The following AGAP1 variants were observed in gnomAD, a reference collection of about 807,000 sequenced individuals.
AGAP1 encodes the protein ArfGAP with GTPase domain, ankyrin repeat and PH domain 1, also known as arf-GAP with GTPase, ANK repeat and PH domain-containing protein 1.
AGAP1 carries 29 observed loss-of-function variants against 105.3 expected under a neutral mutation model. The observed-to-expected ratio is 0.28, with a 90% CI of 0.21 to 0.38. AGAP1 has a LOEUF of 0.38. Ranked by LOEUF, AGAP1 falls within the 10% of genes least tolerant of loss-of-function variation. The pLI, the probability that AGAP1 is intolerant of heterozygous loss-of-function variation, is 1.00. For synonymous variants in AGAP1, 509 were observed against 485.9 expected, an observed-to-expected ratio of 1.05 and a Z score of -0.63; for missense variants, 998 against 1,165.1, an observed-to-expected ratio of 0.86 and a Z score of 2.09.
chr2:236,118,387 C>CTTTTTTT (rs529993131), intron 16 of AGAP1, among the ~76,000 whole-genome samples: 63 of 116,194 alleles, frequency 5.4e-4, no homozygotes, highest in African/African-American at 6.4e-4. Context: ...TTTTCTTTTT[C>CTTTTTTT]TTTTTTTTTT....
intron 9 of AGAP1, among the ~76,000 whole-genome samples, chr2:235,860,632 T>C (rs111276208): frequency 2.4e-4 from 37 of 152,348 alleles, no homozygotes; most frequent in African/African-American, 8.4e-4. Flanking sequence ...AGTACAATGT[T>C]TTGCTTTACA....
Position 235,517,890 on chromosome 2 carries a change from G to C in AGAP1, c.163+23041G>C, listed in dbSNP as rs1942454527. On this transcript the variant is annotated intron_variant, in intron 1 of 17. Transcript: ENST00000304032. The surrounding 1 kb of genome is among the most constrained non-coding windows in gnomAD (Gnocchi z 4.1). Reference sequence around the variant, plus strand: ...AAGTGTTGGAGTGAGCCAAGATTGTGCCTCTGCACTCCAGCCTGGGTGACA... The same window carrying C: ...AAGTGTTGGAGTGAGCCAAGATTGTCCCTCTGCACTCCAGCCTGGGTGACA... Among the ~76,000 whole-genome samples, 1 of 147,354 alleles carries C rather than the reference G, an allele frequency of 6.8e-6. No homozygotes were observed. The highest frequency in any genetic ancestry group is 2.1e-4 in the South Asian group (1 of 4,730).
At position 236,027,470 on chromosome 2, in the gene AGAP1, C is replaced by T. The variant is rs754546634; in HGVS notation, c.1646-9091C>T. 1.3e-5 allele frequency among the ~76,000 whole-genome samples: 2 copies of T among 152,148 alleles called. No homozygotes were observed. Among genetic ancestry groups the T allele is most frequent in the East Asian group, 3.9e-4 (2 of 5,184 alleles). ...ACACAGGGTAGTCCTCCCGCCGGTG[C>T]CCACCTCTGCGCTGAGCATGTAGGG... On this transcript the variant is annotated intron_variant, in intron 13 of 17. Coordinates refer to ENST00000304032, the MANE Select transcript of AGAP1 (RefSeq NM_001037131.3). The surrounding 1 kb of genome is among the most constrained non-coding windows in gnomAD (Gnocchi z 4.4).
chr2:235,820,366 CA>C (rs993288690), intron 9 of AGAP1, among the ~76,000 whole-genome samples: 3 of 152,190 alleles, frequency 2.0e-5, no homozygotes, highest in African/African-American at 7.2e-5. Context: ...GAAGTGGTCA[CA>C]TTTTTTTAAT....
chr2:236,031,803 C>G (rs1333719797), intron 13 of AGAP1, among the ~76,000 whole-genome samples: 2 of 152,124 alleles, frequency 1.3e-5, no homozygotes, highest in East Asian at 3.9e-4. Flanking sequence ...TCCCTGTGCT[C>G]AGAGTCCCCA....
chr2:235,989,778 C>T lies in AGAP1; in HGVS notation c.1645+21155C>T, dbSNP rs761438650. Among the ~76,000 whole-genome samples, 2 of 152,184 alleles carry T rather than the reference C, an allele frequency of 1.3e-5. No individual in the cohort carries two copies. The highest frequency in any genetic ancestry group is 2.9e-5 in the Non-Finnish European group (2 of 68,006). ...AGACATTGGCAAGCATCAGTCCGTG[C>T]GGGAGACGTGCATGGAGTGGAACGG... On this transcript the variant is annotated intron_variant, in intron 13 of 17. Coordinates refer to ENST00000304032, the MANE Select transcript of AGAP1 (RefSeq NM_001037131.3). This position sits in a 1 kb window ranked among gnomAD's most constrained non-coding sequence, Gnocchi z 4.4.
rs2054977817 is a variant in AGAP1 at position 235,979,039 on chromosome 2, G to T, written c.1645+10416G>T. Reference sequence around the variant, plus strand: ...TTTGGACTTACGGACATTTAATTCAGATGCAGTGAACCCAGTTTTTCTGTT... The same window carrying T: ...TTTGGACTTACGGACATTTAATTCATATGCAGTGAACCCAGTTTTTCTGTT... On this transcript the variant is annotated intron_variant, in intron 13 of 17. Coordinates refer to ENST00000304032, the MANE Select transcript of AGAP1 (RefSeq NM_001037131.3). This position sits in a 1 kb window ranked among gnomAD's most constrained non-coding sequence, Gnocchi z 4.5. Among the ~76,000 whole-genome samples the T allele has an allele frequency of 6.6e-6, 1 of 152,026 alleles. No individual in the cohort carries two copies. The highest frequency in any genetic ancestry group is 2.4e-5 in the African/African-American group (1 of 41,326).
intron 1 of AGAP1, among the ~76,000 whole-genome samples, chr2:235,519,858 C>T (rs1321326963): frequency 6.6e-6 from 1 of 152,168 alleles, no homozygotes; most frequent in East Asian, 1.9e-4. Context: ...TCTCAGTTCA[C>T]TGCAACCTCC....
At chr2:235,802,727 ATGGTGATGGTTGTGATGG>A (rs1559505329) in intron 8 of AGAP1, among the ~76,000 whole-genome samples, 1 of 114,336 alleles carries the variant, frequency 8.7e-6, no homozygotes, top group Non-Finnish European at 1.9e-5. Context: ...TGTGGTTGTG[ATGGTGATGGTTGTGATGG>A]TGGTGGTGAT....
At chr2:235,945,226 G>C (rs2125234406) in intron 12 of AGAP1, among the ~76,000 whole-genome samples, 1 of 152,228 alleles carries the variant, frequency 6.6e-6, no homozygotes, top group East Asian at 1.9e-4. Context: ...TCAGCCTCCT[G>C]AGTATCTGGG....
At chr2:236,049,326 A>G in intron 16 of AGAP1, 45 bp downstream of exon 16, 1 of 1,565,478 alleles carries the variant, frequency 6.4e-7, no homozygotes, top group South Asian at 1.1e-5. Context: ...GTTTGCCAAC[A>G]GTTAGGCAAC....
chr2:235,780,468 G>GT (rs1375491104), intron 6 of AGAP1, among the ~76,000 whole-genome samples: 1 of 152,136 alleles, frequency 6.6e-6, no homozygotes, highest in Non-Finnish European at 1.5e-5. Flanking sequence ...TTGGAGAAGT[G>GT]TAAATCAGCT....
intron 11 of AGAP1, among the ~76,000 whole-genome samples, chr2:235,928,382 C>T (rs1178799170): frequency 1.3e-5 from 2 of 152,148 alleles, no homozygotes; most frequent in Admixed American, 6.5e-5. Context: ...GGCAGAAATG[C>T]ACCAGGACAA....
At chr2:235,547,356 C>CTTT (rs565421160) in intron 1 of AGAP1, among the ~76,000 whole-genome samples, 5 of 135,426 alleles carry the variant, frequency 3.7e-5, no homozygotes, top group South Asian at 2.4e-4. Context: ...CTTACATTGA[C>CTTT]TTTTTTTTTT....
intron 1 of AGAP1, among the ~76,000 whole-genome samples, chr2:235,603,413 A>G (rs1353555405): frequency 6.6e-6 from 1 of 152,194 alleles, no homozygotes; most frequent in East Asian, 1.9e-4. Flanking sequence ...TTGTCTGTGC[A>G]CCACTGCGGA....
intron 1 of AGAP1, among the ~76,000 whole-genome samples, chr2:235,675,266 T>C (rs890006674): frequency 6.0e-5 from 9 of 150,004 alleles, no homozygotes; most frequent in Admixed American, 5.3e-4. Flanking sequence ...CTCAGCTCAC[T>C]GCAACCTCTG....
rs1188898883 is a variant in AGAP1, at chr2:235,904,474, C to G, written c.1156-4264C>G. ...GGGGGGCCTGGCTCTTGAGTGGGCCCCAGGGACTTGTTAAGTGCTGTTTAA... is the reference window on the plus strand; with the variant it reads ...GGGGGGCCTGGCTCTTGAGTGGGCCGCAGGGACTTGTTAAGTGCTGTTTAA... On this transcript the variant is annotated intron_variant, in intron 10 of 17. Coordinates refer to ENST00000304032, the MANE Select transcript of AGAP1 (RefSeq NM_001037131.3). This position sits in a 1 kb window ranked among gnomAD's most constrained non-coding sequence, Gnocchi z 4.2. Among the ~76,000 whole-genome samples the G allele has an allele frequency of 6.6e-6, 1 of 152,088 alleles. No individual in the cohort carries two copies. Among genetic ancestry groups the G allele is most frequent in the Non-Finnish European group, 1.5e-5 (1 of 68,020 alleles).
chr2:235,773,327 A>G lies in AGAP1; in HGVS notation c.673+22839A>G, dbSNP rs182561842. 3.3e-5 allele frequency among the ~76,000 whole-genome samples: 5 copies of G among 152,316 alleles called. No homozygotes were observed. In the South Asian group the frequency reaches 6.2e-4, roughly 19 times the overall value. ...GTGAGGTTACAAAGGTTACACTTCTATGCAAATGAAGATTTGGCCTACGGT... is the reference window on the plus strand; with the variant it reads ...GTGAGGTTACAAAGGTTACACTTCTGTGCAAATGAAGATTTGGCCTACGGT... On this transcript the variant is annotated intron_variant, in intron 6 of 17. Transcript: ENST00000304032.
At chr2:236,032,089 C>T (rs1325231507) in intron 13 of AGAP1, among the ~76,000 whole-genome samples, 1 of 152,220 alleles carries the variant, frequency 6.6e-6, no homozygotes, top group Non-Finnish European at 1.5e-5. Context: ...GTCAGTTCAG[C>T]TAAGAGATCC....
Sources: gnomAD v4.1 joint callset for allele counts (sites outside exome capture counted in the v4.1 genomes callset) on GRCh38, gnomAD v4.1.1 for gene constraint, Gnocchi (gnomAD v3.1) non-coding constraint, MANE v1.5 for transcripts, NCBI Gene and HGNC (gene_info 2026-07-23, HGNC 2026-07-21) for gene names.